The following CDH4 variants were observed in gnomAD, a reference collection of about 807,000 sequenced individuals.
The protein encoded by CDH4 is cadherin 4.
Under a neutral mutation model 86.0 loss-of-function variants are expected in CDH4, and 33 were observed. The observed-to-expected ratio is 0.38, with a 90% CI of 0.29 to 0.51. The LOEUF (loss-of-function observed/expected upper bound fraction) is 0.51, where lower values mean the gene tolerates loss of function less well. Ranked by LOEUF, CDH4 falls within the 20% of genes least tolerant of loss-of-function variation. The pLI, the probability that CDH4 is intolerant of heterozygous loss-of-function variation, is 0.86. For missense variants in CDH4, 1,114 were observed against 1,307.4 expected (o/e 0.85, Z 2.28); for synonymous variants, 555 against 549.4 (o/e 1.01, Z -0.14).
At chr20:61,813,782 C>A (rs1471793180) in intron 4 of CDH4, among the ~76,000 whole-genome samples, 2 of 152,182 alleles carry the variant, frequency 1.3e-5, no homozygotes, top group South Asian at 2.1e-4. Context: ...GAAGCTATGC[C>A]CAACTGCCAG....
rs556311692 is a variant in CDH4 at position 61,353,107 on chromosome 20, T to G, written c.169+98170T>G. ...CTCGCCTGCCCGACTCTGTCCTGCT[T>G]CTTCTGCTCCAGCCACAGGCTTCGC... On this transcript the variant is annotated intron_variant, in intron 2 of 15. Transcript: ENST00000614565. 1.7e-3 allele frequency among the ~76,000 whole-genome samples: 263 copies of G among 152,310 alleles called. 3 individuals are homozygous for G. Among genetic ancestry groups the G allele is most frequent in the Non-Finnish European group, 9.8e-4 (67 of 68,028 alleles).
chr20:61,849,042 C>G (rs904846627), intron 5 of CDH4, among the ~76,000 whole-genome samples: 1 of 152,160 alleles, frequency 6.6e-6, no homozygotes, highest in Non-Finnish European at 1.5e-5. Context: ...TGGCTGGACT[C>G]CAGCCTTCTC....
In CDH4 at chr20:61,777,640, CTA is replaced by C. The variant is rs149961772; in HGVS notation, c.576+4459_576+4460del. Among the ~76,000 whole-genome samples the C allele has an allele frequency of 5.9e-3, 862 of 146,650 alleles. 291 individuals carry two copies. Among genetic ancestry groups the C allele is most frequent in the Non-Finnish European group, 7.5e-3 (493 of 65,922 alleles). On this transcript the variant is annotated intron_variant, in intron 4 of 15. Coordinates refer to ENST00000614565, the MANE Select transcript of CDH4 (RefSeq NM_001794.5). ...CACACGTGCATACAAAAACACACGT[CTA>C]CACACGCACACACGTGCATACAAAG...
chr20:61,359,416 C>T (rs1247583646), intron 2 of CDH4, among the ~76,000 whole-genome samples: 2 of 152,172 alleles, frequency 1.3e-5, no homozygotes, highest in Non-Finnish European at 1.5e-5. Flanking sequence ...GCACCAGGCT[C>T]CCCTGGGAGC....
At chr20:61,897,874 C>A (rs1985203942) in intron 8 of CDH4, among the ~76,000 whole-genome samples, 1 of 152,238 alleles carries the variant, frequency 6.6e-6, no homozygotes, top group Admixed American at 6.5e-5. Flanking sequence ...TGCTTCTCAG[C>A]CAGTGTCTGC....
At chr20:61,721,399 C>T (rs1331678380) in intron 2 of CDH4, among the ~76,000 whole-genome samples, 1 of 152,196 alleles carries the variant, frequency 6.6e-6, no homozygotes, top group African/African-American at 2.4e-5. Context: ...GGATGGACAC[C>T]AGGGGCTCTC....
intron 4 of CDH4, among the ~76,000 whole-genome samples, chr20:61,780,256 T>TC (rs1978466104): frequency 6.6e-6 from 1 of 151,488 alleles, no homozygotes; most frequent in Non-Finnish European, 1.5e-5. Flanking sequence ...GTGCACAAGC[T>TC]CCCCCCTCAG....
At chr20:61,716,149 G>A (rs1368989544) in intron 2 of CDH4, among the ~76,000 whole-genome samples, 1 of 152,168 alleles carries the variant, frequency 6.6e-6, no homozygotes, top group African/African-American at 2.4e-5. Context: ...GAGCTGTAAA[G>A]GGGTAGATGC....
intron 2 of CDH4, among the ~76,000 whole-genome samples, chr20:61,298,071 G>T (rs1317932909): frequency 2.6e-5 from 4 of 152,232 alleles, no homozygotes; most frequent in African/African-American, 9.6e-5. Context: ...CCTTTGTGCA[G>T]GCGGGTTCAG....
intron 2 of CDH4, among the ~76,000 whole-genome samples, chr20:61,399,723 C>A (rs2085039603): frequency 6.6e-6 from 1 of 152,246 alleles, no homozygotes; most frequent in African/African-American, 2.4e-5. Context: ...CTCCAGTTCC[C>A]TTTCAGTGTT....
At chr20:61,426,912 T>G (rs576758549) in intron 2 of CDH4, among the ~76,000 whole-genome samples, 2 of 152,370 alleles carry the variant, frequency 1.3e-5, no homozygotes, top group African/African-American at 4.8e-5. Flanking sequence ...TTAAACCAGC[T>G]GTATAGTCCT....
In CDH4 at chr20:61,873,829, T is replaced by C; in HGVS notation, c.979T>C (p.Ser327Pro). The C allele has an allele frequency of 6.2e-7, 1 of 1,614,030 alleles. No homozygotes were observed. Among genetic ancestry groups the C allele is most frequent in the Non-Finnish European group, 8.5e-7 (1 of 1,180,004 alleles). Residue 327 changes from serine (S) to proline (P), a missense_variant, in exon 7 of 16, where the codon TCC becomes CCC. Physicochemically the swap from Ser to Pro is moderately conservative, Grantham distance 74 (BLOSUM62 -1). Transcript: ENST00000614565. ...RIVTQTPQSPSQNMFTINSET... is the reference protein window; with the variant it reads ...RIVTQTPQSPPQNMFTINSET... Reference sequence around the variant, plus strand: ...CGTGACCCAGACCCCACAGAGCCCGTCCCAGAATATGTTCACCATCAACAG... The same window carrying C: ...CGTGACCCAGACCCCACAGAGCCCGCCCCAGAATATGTTCACCATCAACAG...
chr20:61,873,660 C>G (rs1239473401), intron 6 of CDH4, 68 bp from the exon 7 acceptor site: 9 of 1,533,514 alleles, frequency 5.9e-6, no homozygotes, highest in Non-Finnish European at 8.0e-6. Context: ...GGGCTCTGCC[C>G]AGGTGTGTGC....
At chr20:61,390,495 C>T (rs2084977199) in intron 2 of CDH4, among the ~76,000 whole-genome samples, 1 of 145,648 alleles carries the variant, frequency 6.9e-6, no homozygotes, top group Non-Finnish European at 1.5e-5. Flanking sequence ...CCCATAGTGC[C>T]GTGTCTGGGA....
At position 61,930,398 on chromosome 20, in the gene CDH4, G is replaced by C. The variant is rs557726775; in HGVS notation, c.2239+556G>C. On this transcript the variant is annotated intron_variant, in intron 13 of 15. Coordinates refer to ENST00000614565, the MANE Select transcript of CDH4 (RefSeq NM_001794.5). ...CCAACAGGTCTGAGGGCTGGCGGGG[G>C]GGCGGTGCCAGGGGAGGTGCTTGAA... is the stretch of plus-strand genomic sequence containing the variant. Among the ~76,000 whole-genome samples, 8 of 152,324 alleles carry C rather than the reference G, an allele frequency of 5.3e-5. No individual in the cohort carries two copies. The South Asian group carries it at 1.4e-3, about 28-fold the overall frequency.
At position 61,807,875 on chromosome 20, in the gene CDH4, T is replaced by C. The variant is rs532099781; in HGVS notation, c.576+34693T>C. Among the ~76,000 whole-genome samples the C allele has an allele frequency of 1.1e-3, 175 of 152,214 alleles. 1 individual carries two copies. The highest frequency in any genetic ancestry group is 2.3e-3 in the Non-Finnish European group (159 of 68,014). On this transcript the variant is annotated intron_variant, in intron 4 of 15. Coordinates refer to ENST00000614565, the MANE Select transcript of CDH4 (RefSeq NM_001794.5). The surrounding 1 kb of genome is among the most constrained non-coding windows in gnomAD (Gnocchi z 4.5). ...TTTCGTTAGGTTAGAGGCCGTCCAC[T>C]GGGCAGCAGGCTGTGGGCCTGGCGG...
At chr20:61,818,923 G>A (rs1040434988) in intron 4 of CDH4, among the ~76,000 whole-genome samples, 9 of 152,114 alleles carry the variant, frequency 5.9e-5, no homozygotes, top group Non-Finnish European at 1.0e-4. Flanking sequence ...GGGCTCTCTC[G>A]GACCTCTGCT....
chr20:61,328,840 C>A lies in CDH4; in HGVS notation c.169+73903C>A, dbSNP rs4580445. ...TAAAAAATAGTTTGCTCAAGGAGGA[C>A]CTTGGCCTTTCCTATTAGCTCTGAA... is the stretch of plus-strand genomic sequence containing the variant. On this transcript the variant is annotated intron_variant, in intron 2 of 15. Transcript: ENST00000614565. Among the ~76,000 whole-genome samples, 648 of 152,292 alleles carry A rather than the reference C, an allele frequency of 4.3e-3. 1 individual carries two copies. Among genetic ancestry groups the A allele is most frequent in the South Asian group, 0.013 (61 of 4,822 alleles).
intron 2 of CDH4, among the ~76,000 whole-genome samples, chr20:61,730,420 A>G (rs1458686890): frequency 6.6e-6 from 1 of 152,208 alleles, no homozygotes; most frequent in Non-Finnish European, 1.5e-5. Context: ...GCAACCTTTC[A>G]GATGGGCGTC....
Sources: gnomAD v4.1 joint callset for allele counts (sites outside exome capture counted in the v4.1 genomes callset) on GRCh38, gnomAD v4.1.1 for gene constraint, Gnocchi (gnomAD v3.1) non-coding constraint, MANE v1.5 for transcripts, NCBI Gene and HGNC (gene_info 2026-07-23, HGNC 2026-07-21) for gene names.